The following ERCC6L2 variants were observed in gnomAD, a reference collection of about 807,000 sequenced individuals.
ERCC6L2 encodes the protein ERCC excision repair 6 like 2.
A neutral mutation model predicts 132.0 loss-of-function variants in ERCC6L2; 77 were observed. The observed-to-expected ratio is 0.58, with a 90% CI of 0.49 to 0.71. ERCC6L2 has a LOEUF of 0.71. Among genes scored for constraint, ERCC6L2 ranks in the 30% least tolerant of loss-of-function variants. The pLI, the probability that ERCC6L2 is intolerant of heterozygous loss-of-function variation, is 0.00. For missense variants in ERCC6L2, 1,542 were observed against 1,837.6 expected, an observed-to-expected ratio of 0.84 and a Z score of 2.94; for synonymous variants, 583 against 632.4, an observed-to-expected ratio of 0.92 and a Z score of 1.17.
Position 96,040,601 on chromosome 9 carries a change from G to A in ERCC6L2, c.*1755+1474G>A, listed in dbSNP as rs150637217. 7.6e-4 allele frequency among the ~76,000 whole-genome samples: 116 copies of A among 152,268 alleles called. 3 individuals are homozygous for A. In the East Asian group the frequency reaches 0.022, roughly 29 times the overall value. ...TCCTAAGTCCAGGCCTATCCACAAG[G>A]CCAAGGGCTTTCACAAGGACAATGG... On this transcript the variant is annotated intron_variant and NMD_transcript_variant, in intron 20 of 20. Coordinates refer to the ERCC6L2 transcript ENST00000670016.
chr9:95,914,028 A>G (rs1189641810), intron 4 of ERCC6L2, among the ~76,000 whole-genome samples: 1 of 152,212 alleles, frequency 6.6e-6, no homozygotes, highest in Non-Finnish European at 1.5e-5. Flanking sequence ...TGGAATTGTG[A>G]GGTCTTATGC....
chr9:96,029,187 C>G (rs1478010506), intron 19 of ERCC6L2, among the ~76,000 whole-genome samples: 2 of 151,606 alleles, frequency 1.3e-5, no homozygotes, highest in South Asian at 2.1e-4. Flanking sequence ...GACTGTAATC[C>G]CAGCTACTCG....
intron 12 of ERCC6L2, chr9:95,954,770 C>G (rs1831514860): frequency 2.1e-6 from 1 of 471,016 alleles, no homozygotes; most frequent in African/African-American, 2.0e-5. Flanking sequence ...CTGAGCCCCT[C>G]TCCTCTGCTC....
intron 19 of ERCC6L2, among the ~76,000 whole-genome samples, chr9:96,029,070 C>T (rs1834418621): frequency 6.6e-6 from 1 of 151,832 alleles, no homozygotes; most frequent in South Asian, 2.1e-4. Flanking sequence ...TTTGGGAGGT[C>T]AAGGTGGGCG....
At chr9:95,921,133 T>A in intron 6 of ERCC6L2, 42 bp from the exon 7 acceptor site, 1 of 1,537,204 alleles carries the variant, frequency 6.5e-7, no homozygotes, top group Non-Finnish European at 8.8e-7. Flanking sequence ...ATTATTGTTA[T>A]AAACAAAATA....
chr9:95,922,280 AT>A (rs749339838), intron 7 of ERCC6L2, 24 bp from the exon 8 acceptor site: 9 of 1,307,146 alleles, frequency 6.9e-6, no homozygotes, highest in Non-Finnish European at 9.9e-6. Context: ...GGTCCTTTTT[AT>A]TTTCTATATT....
chr9:96,032,381 C>T (rs74902831), intron 19 of ERCC6L2, among the ~76,000 whole-genome samples: 5,012 of 152,340 alleles, frequency 0.033, 118 homozygotes, highest in East Asian at 0.15. Context: ...CTTCCGCAGC[C>T]TCCTTGCGCC....
intron 5 of ERCC6L2, 114 bp from the exon 6 acceptor site, chr9:95,916,113 G>T: frequency 1.0e-6 from 1 of 1,004,248 alleles, no homozygotes. Context: ...TGTTTTCTTG[G>T]CTTTTGTTTT....
At chr9:95,945,498 T>C (rs1831018085) in intron 12 of ERCC6L2, among the ~76,000 whole-genome samples, 1 of 152,182 alleles carries the variant, frequency 6.6e-6, no homozygotes, top group South Asian at 2.1e-4. Flanking sequence ...GATTAAGAGA[T>C]TAAAGTAAAA....
downstream of ERCC6L2, chr9:96,021,026 C>T (rs1383193324): frequency 4.4e-6 from 2 of 454,994 alleles, no homozygotes; most frequent in Admixed American, 2.4e-5. This position sits in a 1 kb window ranked among gnomAD's most constrained non-coding sequence, Gnocchi z 4.7. Flanking sequence ...GTCGGGGGCT[C>T]GCAGCGCCGC....
chr9:95,911,821 G>C (rs1036689884), intron 4 of ERCC6L2, among the ~76,000 whole-genome samples: 30 of 152,184 alleles, frequency 2.0e-4, no homozygotes, highest in Admixed American at 5.9e-4. Flanking sequence ...CATGATAAAA[G>C]GCTTTTAGTG....
intron 3 of ERCC6L2, 47 bp downstream of exon 3, chr9:95,898,018 C>A (rs112979913): frequency 4.0e-6 from 6 of 1,491,962 alleles, no homozygotes; most frequent in African/African-American, 1.4e-5. Flanking sequence ...GCTGGTATTA[C>A]AAAAGCATAT....
At chr9:95,913,772 T>A (rs1397398843) in intron 4 of ERCC6L2, among the ~76,000 whole-genome samples, 1 of 152,218 alleles carries the variant, frequency 6.6e-6, no homozygotes, top group African/African-American at 2.4e-5. Flanking sequence ...AAGTCTTTGG[T>A]GTCTGGCTTC....
chr9:95,972,708 T>C lies in ERCC6L2; in HGVS notation c.2957T>C (p.Ile986Thr), dbSNP rs773748670. 18 of 1,301,928 alleles carry C rather than the reference T, an allele frequency of 1.4e-5. No homozygotes were observed. The African/African-American group carries it at 1.5e-4, about 11-fold the overall frequency. The allele number at this position is 1,301,928 out of a possible 1,614,324, so 80.6% of individuals were successfully genotyped here. ...TSDISDESDDIEISSKSRVRK... is the reference protein window; with the variant it reads ...TSDISDESDDTEISSKSRVRK... ...GATATCAGTGATGAATCTGATGACA[T>C]TGAAATTTCTTCCAAGTCAAGAGTA... Residue 986 changes from isoleucine to threonine, a missense_variant, in exon 16 of 19, where the codon ATT becomes ACT. Physicochemically the swap from Ile to Thr is moderately conservative, Grantham distance 89. This residue lies in a region of ERCC6L2 where 945 missense variants were observed against 1,105.2 expected (regional missense o/e 0.86). Coordinates refer to ENST00000653738, the MANE Select transcript of ERCC6L2 (RefSeq NM_020207.7).
At chr9:95,923,229 AAT>A in intron 8 of ERCC6L2, 29 bp from the exon 9 acceptor site, 1 of 1,607,724 alleles carries the variant, frequency 6.2e-7, no homozygotes, top group Non-Finnish European at 8.5e-7. Flanking sequence ...GTTAAGTGGA[AAT>A]ATCTTTTCTT....
intron 13 of ERCC6L2, among the ~76,000 whole-genome samples, chr9:95,964,167 G>T (rs1339016209): frequency 6.6e-6 from 1 of 151,930 alleles, no homozygotes; most frequent in African/African-American, 2.4e-5. Flanking sequence ...TTGTTGTTTG[G>T]CACTCTACCA....
Position 95,928,902 on chromosome 9 carries a change from A to G in ERCC6L2, c.1751+38A>G, listed in dbSNP as rs60094504. 6,836 of 1,389,068 alleles carry G rather than the reference A, an allele frequency of 4.9e-3. 283 individuals are homozygous for G. In the African/African-American group the frequency reaches 0.09, roughly 18 times the overall value. 86.0% of individuals were successfully genotyped at this position (1,389,068 alleles called of 1,614,324 possible). A position where few individuals can be genotyped will look rare whatever the true frequency, so the allele number is the denominator to read the frequency against. On this transcript the variant is annotated intron_variant, in intron 11 of 18. Transcript: ENST00000653738. ...AATTTAATAACTAGATTTTTATCCA[A>G]TTGTTTTTGAGATTTAGCATAATTT...
chr9:96,039,014 G>C, exon 20 of ERCC6L2: 1 of 442,522 alleles, frequency 2.3e-6, no homozygotes, highest in East Asian at 7.1e-5. Flanking sequence ...AACCACCTTG[G>C]AGACAGCTCC....
At chr9:95,897,446 A>G (rs916170532) in intron 2 of ERCC6L2, among the ~76,000 whole-genome samples, 2 of 152,146 alleles carry the variant, frequency 1.3e-5, no homozygotes, top group Non-Finnish European at 2.9e-5. Flanking sequence ...GAAGTGTACA[A>G]ATTTATGGGC....
Sources: allele counts gnomAD v4.1 joint callset (sites outside exome capture counted in the v4.1 genomes callset), GRCh38; gene constraint gnomAD v4.1.1; regional missense constraint gnomAD v4.1.1; non-coding constraint Gnocchi (gnomAD v3.1); transcripts MANE v1.5; gene names NCBI Gene and HGNC (gene_info 2026-07-23, HGNC 2026-07-21).